The following GNAQ variants were observed in gnomAD, a reference collection of about 807,000 sequenced individuals.
The protein encoded by GNAQ is guanine nucleotide-binding protein G(q) subunit alpha.
GNAQ carries 8 observed loss-of-function variants against 43.9 expected under a neutral mutation model. That is an observed-to-expected ratio of 0.18 (90% CI 0.11 to 0.33). The LOEUF (loss-of-function observed/expected upper bound fraction) is 0.33. GNAQ is among the 10% of genes least tolerant of loss of function. The probability of loss-of-function intolerance (pLI) is 1.00; values close to 1 mark genes in which losing one functional copy is unlikely to be tolerated. For synonymous variants in GNAQ, 155 were observed against 170.7 expected (o/e 0.91, Z 0.71); for missense variants, 158 against 450.8 (o/e 0.35, Z 5.88).
At chr9:77,929,687 T>C (rs1197250126) in intron 1 of GNAQ, among the ~76,000 whole-genome samples, 1 of 151,866 alleles carries the variant, frequency 6.6e-6, no homozygotes, top group Non-Finnish European at 1.5e-5. Flanking sequence ...AAAAAAAAAT[T>C]AGCCCGGTGT....
chr9:77,859,076 A>G (rs1336114128), intron 2 of GNAQ, among the ~76,000 whole-genome samples: 2 of 152,114 alleles, frequency 1.3e-5, no homozygotes, highest in African/African-American at 4.8e-5. Flanking sequence ...TTCCTACCTA[A>G]AATGATCTTC....
chr9:78,016,026 A>C (rs1226999938), intron 1 of GNAQ, among the ~76,000 whole-genome samples: 1 of 152,180 alleles, frequency 6.6e-6, no homozygotes, highest in Non-Finnish European at 1.5e-5. Context: ...TTTTTTCAAC[A>C]AATGGTGCTG....
At chr9:77,853,560 G>A (rs138456284) in intron 2 of GNAQ, among the ~76,000 whole-genome samples, 148 of 152,010 alleles carry the variant, frequency 9.7e-4, no homozygotes, top group African/African-American at 3.3e-3. Flanking sequence ...ACAGCCTTCC[G>A]GACAATACAA....
intron 1 of GNAQ, among the ~76,000 whole-genome samples, chr9:77,923,915 C>T (rs1430436560): frequency 6.6e-6 from 1 of 152,120 alleles, no homozygotes; most frequent in African/African-American, 2.4e-5. Flanking sequence ...GGTTGGATTT[C>T]ATTACTATCT....
intron 1 of GNAQ, among the ~76,000 whole-genome samples, chr9:77,934,221 G>A (rs1485042721): frequency 6.6e-6 from 1 of 151,974 alleles, no homozygotes; most frequent in Non-Finnish European, 1.5e-5. Flanking sequence ...GAGGATGAGC[G>A]AATTGGCCTG....
intron 1 of GNAQ, among the ~76,000 whole-genome samples, chr9:78,019,059 A>G (rs1181504616): frequency 1.3e-5 from 2 of 152,230 alleles, no homozygotes; most frequent in African/African-American, 4.8e-5. Flanking sequence ...AGTGATTTTC[A>G]TGAAAATATA....
chr9:77,766,154 T>C (rs1455896861), intron 5 of GNAQ, among the ~76,000 whole-genome samples: 1 of 152,212 alleles, frequency 6.6e-6, no homozygotes, highest in Non-Finnish European at 1.5e-5. Context: ...ACCTGCACAA[T>C]AATGTGAATG....
intron 1 of GNAQ, among the ~76,000 whole-genome samples, chr9:77,926,097 T>C (rs1829069108): frequency 6.6e-6 from 1 of 152,208 alleles, no homozygotes; most frequent in Non-Finnish European, 1.5e-5. Context: ...GAAGGCCAAA[T>C]GCATATGGAC....
chr9:77,947,005 C>T (rs564270657), intron 1 of GNAQ, among the ~76,000 whole-genome samples: 4 of 152,354 alleles, frequency 2.6e-5, no homozygotes, highest in South Asian at 2.1e-4. Flanking sequence ...TTGCCCTCTC[C>T]GGGCTACGCC....
At chr9:77,885,100 T>C (rs536554272) in intron 2 of GNAQ, among the ~76,000 whole-genome samples, 2 of 152,268 alleles carry the variant, frequency 1.3e-5, no homozygotes, top group African/African-American at 4.8e-5. Flanking sequence ...GAGTTTCGGA[T>C]GGGTTTTAGA....
intron 3 of GNAQ, among the ~76,000 whole-genome samples, chr9:77,798,893 T>C (rs917959223): frequency 6.6e-6 from 1 of 152,138 alleles, no homozygotes; most frequent in African/African-American, 2.4e-5. Context: ...GGTATCTAGT[T>C]CTATGAGATT....
chr9:77,870,865 G>A (rs1047818049), intron 2 of GNAQ, among the ~76,000 whole-genome samples: 4 of 151,604 alleles, frequency 2.6e-5, no homozygotes, highest in African/African-American at 7.3e-5. Context: ...GAAGCCAAAC[G>A]CAAATGATAG....
chr9:77,965,523 C>G (rs1325166647), intron 1 of GNAQ, among the ~76,000 whole-genome samples: 1 of 151,790 alleles, frequency 6.6e-6, no homozygotes, highest in Non-Finnish European at 1.5e-5. Context: ...ATCAAGTAAT[C>G]CAAAGGAAAA....
At chr9:77,985,136 C>T (rs552295202) in intron 1 of GNAQ, among the ~76,000 whole-genome samples, 32 of 152,230 alleles carry the variant, frequency 2.1e-4, no homozygotes, top group African/African-American at 6.5e-4. Context: ...TGGTGAAACT[C>T]CGTCTCTACT....
At chr9:77,860,211 G>C (rs550697866) in intron 2 of GNAQ, among the ~76,000 whole-genome samples, 1 of 152,154 alleles carries the variant, frequency 6.6e-6, no homozygotes, top group African/African-American at 2.4e-5. Flanking sequence ...GGGTTAGCTG[G>C]AGCTTATGGC....
At chr9:77,808,143 G>T (rs1826856482) in intron 3 of GNAQ, among the ~76,000 whole-genome samples, 1 of 152,028 alleles carries the variant, frequency 6.6e-6, no homozygotes, top group Non-Finnish European at 1.5e-5. Context: ...AAACTGACTT[G>T]CCCACATCCA....
At chr9:77,808,567 T>C (rs1826864950) in intron 3 of GNAQ, among the ~76,000 whole-genome samples, 1 of 152,070 alleles carries the variant, frequency 6.6e-6, no homozygotes. Flanking sequence ...TAGAGAATAA[T>C]TTCTCTGTTC....
At chr9:77,990,463 C>CATGA (rs1019021349) in intron 1 of GNAQ, among the ~76,000 whole-genome samples, 4 of 152,124 alleles carry the variant, frequency 2.6e-5, no homozygotes, top group Admixed American at 1.3e-4. Context: ...CTCAAGTGAT[C>CATGA]CTCATGCCTC....
rs540911928 is a variant in GNAQ, at chr9:77,991,033, T to C, written c.136+40067A>G. On this transcript the variant is annotated intron_variant, in intron 1 of 6. Coordinates refer to ENST00000286548, the MANE Select transcript of GNAQ (RefSeq NM_002072.5). ...TAACTTCGGATTTCAAGGCAACTTATATACTCCAACTAGAGAAATTGCTTT... is the reference window on the plus strand; with the variant it reads ...TAACTTCGGATTTCAAGGCAACTTACATACTCCAACTAGAGAAATTGCTTT... Among the ~76,000 whole-genome samples, 8 of 152,388 alleles carry C rather than the reference T, an allele frequency of 5.2e-5. No homozygotes were observed. The East Asian group carries it at 1.5e-3, about 29-fold the overall frequency.
Sources: gnomAD v4.1 joint callset for allele counts (sites outside exome capture counted in the v4.1 genomes callset) on GRCh38, gnomAD v4.1.1 for gene constraint, MANE v1.5 for transcripts, NCBI Gene and HGNC (gene_info 2026-07-23, HGNC 2026-07-21) for gene names.